CHN2: variants seen among roughly 807,000 people sequenced by gnomAD.
The protein encoded by CHN2 is chimerin 2.
CHN2 carries 35 observed loss-of-function variants against 56.3 expected under a neutral mutation model. The ratio of observed to expected loss-of-function variants is 0.62; its 90% CI spans 0.47 to 0.82. The LOEUF is 0.82. Ranked by LOEUF, CHN2 falls within the 40% of genes least tolerant of loss-of-function variation. The pLI is 0.00. For synonymous variants in CHN2, 210 were observed against 212.8 expected, an observed-to-expected ratio of 0.99 and a Z score of 0.12; for missense variants, 491 against 580.5, an observed-to-expected ratio of 0.85 and a Z score of 1.58.
At chr7:29,318,244 T>C (rs1164395139) in intron 1 of CHN2, among the ~76,000 whole-genome samples, 1 of 152,210 alleles carries the variant, frequency 6.6e-6, no homozygotes, top group African/African-American at 2.4e-5. Flanking sequence ...ACAGACCAAC[T>C]CCTGGCCTCC....
rs529636565 is a variant in CHN2 at position 29,412,420 on chromosome 7, C to G, written c.576+11592C>G. 1.1e-4 allele frequency among the ~76,000 whole-genome samples: 15 copies of G among 132,768 alleles called. No homozygotes were observed. In the South Asian group the frequency reaches 3.6e-3, roughly 32 times the overall value. The allele number at this position is 132,768 out of a possible 152,430, so 87.1% of individuals were successfully genotyped here. ...CATCTTGGCTGACTGCAACCTTCAT[C>G]TCCCGGGTTCAAGTGATTCTTCTAC... On this transcript the variant is annotated intron_variant, in intron 6 of 12. Transcript: ENST00000222792.
intron 1 of CHN2, among the ~76,000 whole-genome samples, chr7:29,213,904 G>A (rs979588645): frequency 6.6e-6 from 1 of 151,978 alleles, no homozygotes; most frequent in Non-Finnish European, 1.5e-5. Flanking sequence ...AAAGAATACT[G>A]CATTACTGTA....
At chr7:29,464,894 A>G (rs867551201) in intron 6 of CHN2, among the ~76,000 whole-genome samples, 23 of 152,150 alleles carry the variant, frequency 1.5e-4, no homozygotes, top group African/African-American at 4.8e-4. Flanking sequence ...TGTTTCCCAC[A>G]TTCTCCAGGA....
chr7:29,458,416 CA>C (rs1316536735), intron 6 of CHN2, among the ~76,000 whole-genome samples: 36 of 145,436 alleles, frequency 2.5e-4, no homozygotes, highest in East Asian at 1.9e-3. Context: ...CACACACACA[CA>C]CCCCATGCAT....
intron 3 of CHN2, among the ~76,000 whole-genome samples, chr7:29,374,516 C>G (rs1380698329): frequency 2.0e-5 from 3 of 152,094 alleles, no homozygotes; most frequent in Non-Finnish European, 4.4e-5. Flanking sequence ...TAAAATAATA[C>G]AGATCCCCGC....
Position 29,513,938 on chromosome 7 carries a change from T to C in CHN2, c.*1203T>C, listed in dbSNP as rs1347278854. On this transcript the variant is annotated 3_prime_UTR_variant, in exon 13 of 13. Coordinates refer to ENST00000222792, the MANE Select transcript of CHN2 (RefSeq NM_004067.4). ...TAACATAGGTGAAATATTTAAAACA[T>C]CAAAAACTGTAAATCTAGATTTTTA... 6.6e-6 allele frequency: 1 copy of C among 152,660 alleles called. No individual in the cohort carries two copies. The highest frequency in any genetic ancestry group is 2.4e-5 in the African/African-American group (1 of 41,464). 9.5% of individuals were successfully genotyped at this position (152,660 alleles called of 1,614,324 possible).
At chr7:29,461,715 C>T (rs1190295097) in intron 6 of CHN2, among the ~76,000 whole-genome samples, 1 of 152,212 alleles carries the variant, frequency 6.6e-6, no homozygotes, top group Non-Finnish European at 1.5e-5. Flanking sequence ...TATTATTTCA[C>T]TCTGGATGCC....
intron 1 of CHN2, among the ~76,000 whole-genome samples, chr7:29,311,124 T>C (rs1274088978): frequency 2.0e-5 from 3 of 152,224 alleles, no homozygotes; most frequent in Non-Finnish European, 2.9e-5. Context: ...TCATTGTAGA[T>C]TCAGCCTTGT....
intron 1 of CHN2, among the ~76,000 whole-genome samples, chr7:29,259,381 A>G (rs1470095579): frequency 6.6e-6 from 1 of 151,992 alleles, no homozygotes; most frequent in Non-Finnish European, 1.5e-5. Context: ...CCAAAGAAGA[A>G]GGAAGATCTC....
chr7:29,307,911 T>C (rs988313832), intron 1 of CHN2, among the ~76,000 whole-genome samples: 1 of 152,214 alleles, frequency 6.6e-6, no homozygotes, highest in Non-Finnish European at 1.5e-5. Flanking sequence ...ACTTCCATAA[T>C]TCAAGATATT....
At chr7:29,357,081 C>T (rs1194852754) in intron 2 of CHN2, among the ~76,000 whole-genome samples, 1 of 152,188 alleles carries the variant, frequency 6.6e-6, no homozygotes, top group Non-Finnish European at 1.5e-5. Context: ...AAAAGTACTT[C>T]TATGTCTTGA....
At chr7:29,466,610 C>G (rs1160837382) in intron 6 of CHN2, among the ~76,000 whole-genome samples, 7 of 152,164 alleles carry the variant, frequency 4.6e-5, no homozygotes, top group African/African-American at 1.7e-4. Flanking sequence ...GAAAGTGAAT[C>G]CTTCCTTAAT....
At chr7:29,511,337 T>G (rs1337544885) in intron 12 of CHN2, among the ~76,000 whole-genome samples, 1 of 152,210 alleles carries the variant, frequency 6.6e-6, no homozygotes, top group African/African-American at 2.4e-5. Context: ...ACTATGGGTA[T>G]CACATCTGGC....
intron 1 of CHN2, among the ~76,000 whole-genome samples, chr7:29,338,168 G>A (rs1437056145): frequency 6.6e-6 from 1 of 152,280 alleles, no homozygotes; most frequent in Non-Finnish European, 1.5e-5. Flanking sequence ...AATATGGTAG[G>A]TCAGTCTTCC....
intron 1 of CHN2, among the ~76,000 whole-genome samples, chr7:29,352,803 G>T (rs534823657): frequency 2.6e-5 from 4 of 152,236 alleles, no homozygotes; most frequent in African/African-American, 4.8e-5. Flanking sequence ...AGGTGGCATT[G>T]TATGGATGGG....
intron 1 of CHN2, among the ~76,000 whole-genome samples, chr7:29,236,316 A>G (rs538722847): frequency 6.6e-6 from 1 of 152,360 alleles, no homozygotes; most frequent in South Asian, 2.1e-4. Flanking sequence ...GACTATTCTT[A>G]CAAGTTCCCC....
chr7:29,177,276 CAG>C (rs1195827456), intron 2 of CHN2, among the ~76,000 whole-genome samples: 19 of 149,726 alleles, frequency 1.3e-4, no homozygotes, highest in African/African-American at 4.7e-4. Context: ...TGTTTTGAGA[CAG>C]AGTCTCACTC....
intron 2 of CHN2, among the ~76,000 whole-genome samples, chr7:29,169,861 C>T (rs938903513): frequency 9.5e-5 from 14 of 147,822 alleles, no homozygotes; most frequent in Admixed American, 4.1e-4. Context: ...AGTATATATA[C>T]GTGTGTGTGT....
At chr7:29,474,209 A>G (rs1160309737) in intron 6 of CHN2, among the ~76,000 whole-genome samples, 2 of 152,220 alleles carry the variant, frequency 1.3e-5, no homozygotes, top group Non-Finnish European at 2.9e-5. Context: ...TCATCATTAA[A>G]TGTTCTTTTA....
Sources: gnomAD v4.1 joint callset for allele counts (sites outside exome capture counted in the v4.1 genomes callset) on GRCh38, gnomAD v4.1.1 for gene constraint, MANE v1.5 for transcripts, NCBI Gene and HGNC (gene_info 2026-07-23, HGNC 2026-07-21) for gene names.